The following COL22A1 variants were observed in gnomAD, a reference collection of about 807,000 sequenced individuals.
The protein encoded by COL22A1 is collagen type XXII alpha 1 chain, also known as collagen alpha-1(XXII) chain.
In COL22A1, 221 loss-of-function variants were observed where a neutral mutation model predicts 248.9. That is an observed-to-expected ratio of 0.89 (90% CI 0.80 to 0.99). The LOEUF (loss-of-function observed/expected upper bound fraction) is 0.99, where lower values mean the gene tolerates loss of function less well. COL22A1 is among the 50% of genes least tolerant of loss of function. COL22A1 has a pLI of 0.00. For missense variants in COL22A1, 2,240 were observed against 2,179.0 expected, an observed-to-expected ratio of 1.03 and a Z score of -0.56; for synonymous variants, 891 against 793.4, an observed-to-expected ratio of 1.12 and a Z score of -2.07.
In COL22A1 at chr8:138,878,240, C is replaced by T. The variant is rs1394793173; in HGVS notation, c.168G>A (p.Lys56=). The change falls in exon 3 of 65, where the codon AAG becomes AAA. Residue 56 remains lysine, a synonymous_variant. Coordinates refer to ENST00000303045, the MANE Select transcript of COL22A1 (RefSeq NM_152888.3). ...CCAGGTTGGCCACCCACTGCCGGAC[C>T]TTCTCAAAGTCCTCCTTGCCCACGC... ...SSSVGKEDFE[K]VRQWVANLVD... is the part of the protein sequence containing the mutation. 17 of 1,591,678 alleles carry T rather than the reference C, an allele frequency of 1.1e-5. No individual in the cohort carries two copies. Among genetic ancestry groups the T allele is most frequent in the African/African-American group, 1.3e-5 (1 of 74,552 alleles).
At chr8:138,887,397 T>G (rs1410068599) in intron 1 of COL22A1, among the ~76,000 whole-genome samples, 1 of 152,120 alleles carries the variant, frequency 6.6e-6, no homozygotes, top group Non-Finnish European at 1.5e-5. Context: ...TTTTTGTATT[T>G]TTAGTAGAGA....
chr8:138,882,380 T>C (rs1824276875), intron 2 of COL22A1, among the ~76,000 whole-genome samples: 1 of 144,904 alleles, frequency 6.9e-6, no homozygotes. Context: ...ACTCTCACAC[T>C]CCCTCACACA....
intron 5 of COL22A1, among the ~76,000 whole-genome samples, chr8:138,832,624 G>A (rs1279729947): frequency 6.6e-6 from 1 of 152,178 alleles, no homozygotes; most frequent in Non-Finnish European, 1.5e-5. Context: ...AGTCAACAGT[G>A]ATACTCAGTC....
At chr8:138,894,500 G>T (rs1045669305) in intron 1 of COL22A1, among the ~76,000 whole-genome samples, 31 of 152,204 alleles carry the variant, frequency 2.0e-4, no homozygotes, top group Admixed American at 2.0e-3. Flanking sequence ...ATCAGTGAGG[G>T]GACCAGATGA....
intron 4 of COL22A1, among the ~76,000 whole-genome samples, chr8:138,843,656 G>GT (rs1475413611): frequency 2.0e-5 from 3 of 152,102 alleles, no homozygotes. Context: ...CTGCTGCTGG[G>GT]TCTGCAGTCA....
chr8:138,604,100 G>T (rs1275753947), intron 59 of COL22A1, among the ~76,000 whole-genome samples: 2 of 152,138 alleles, frequency 1.3e-5, no homozygotes, highest in African/African-American at 4.8e-5. Context: ...GTTTGAGTAG[G>T]AATAAGCATG....
chr8:138,809,344 C>T (rs1366336944), intron 9 of COL22A1, among the ~76,000 whole-genome samples: 2 of 152,104 alleles, frequency 1.3e-5, no homozygotes, highest in Non-Finnish European at 2.9e-5. Flanking sequence ...CAGTGTACAG[C>T]ATAGTACACA....
At chr8:138,806,696 G>T (rs928056208) in intron 10 of COL22A1, among the ~76,000 whole-genome samples, 1 of 152,154 alleles carries the variant, frequency 6.6e-6, no homozygotes, top group African/African-American at 2.4e-5. Flanking sequence ...CACCTGCAAC[G>T]TGCAGAGCCC....
intron 37 of COL22A1, among the ~76,000 whole-genome samples, chr8:138,687,898 G>C (rs149694073): frequency 0.025 from 3,863 of 152,310 alleles, 74 homozygotes; most frequent in Middle Eastern, 0.048. Flanking sequence ...GCCAGGAGCA[G>C]TTACTCCCCT....
In COL22A1 at chr8:138,589,203, G is replaced by C. The variant is rs1816825858; in HGVS notation, c.*50C>G. The C allele has an allele frequency of 5.7e-6, 9 of 1,578,844 alleles. No individual in the cohort carries two copies. The highest frequency in any genetic ancestry group is 1.1e-5 in the South Asian group (1 of 88,638). ...GACCTCTGGCTTCCCACTGGGCTCT[G>C]AGTTCAAGTTTCAGAAATCCACTGC... On this transcript the variant is annotated 3_prime_UTR_variant, in exon 65 of 65. Coordinates refer to ENST00000303045, the MANE Select transcript of COL22A1 (RefSeq NM_152888.3).
chr8:138,786,430 T>A (rs1343050510), intron 12 of COL22A1, among the ~76,000 whole-genome samples: 2 of 152,212 alleles, frequency 1.3e-5, no homozygotes, highest in Non-Finnish European at 2.9e-5. Context: ...TTTACTAGAA[T>A]GATTCCTGCC....
At chr8:138,818,820 T>A (rs1002641085) in intron 7 of COL22A1, among the ~76,000 whole-genome samples, 2 of 152,258 alleles carry the variant, frequency 1.3e-5, no homozygotes, top group African/African-American at 2.4e-5. Flanking sequence ...TTTGCTTAAC[T>A]TGGTTCCACA....
At chr8:138,837,946 C>T (rs529032389) in intron 4 of COL22A1, among the ~76,000 whole-genome samples, 3 of 152,212 alleles carry the variant, frequency 2.0e-5, no homozygotes, top group African/African-American at 7.2e-5. Context: ...GAGGACGTGC[C>T]TTGCAGGGTT....
chr8:138,739,150 A>G (rs374002186), intron 22 of COL22A1, among the ~76,000 whole-genome samples: 5 of 152,180 alleles, frequency 3.3e-5, no homozygotes, highest in South Asian at 4.2e-4. Flanking sequence ...AAACACTACA[A>G]TGCCTCTCAG....
At chr8:138,704,803 T>C (rs1828276712) in intron 30 of COL22A1, among the ~76,000 whole-genome samples, 1 of 152,228 alleles carries the variant, frequency 6.6e-6, no homozygotes, top group Non-Finnish European at 1.5e-5. Flanking sequence ...AGAAGTAGGC[T>C]TCAGACGATC....
rs138366897 is a variant in COL22A1 at position 138,887,109 on chromosome 8, T to A, written c.-72-3865A>T. On this transcript the variant is annotated intron_variant, in intron 1 of 64. Transcript: ENST00000303045. ...AATGTACAATTATTATTGACTATAG[T>A]CACCCTATTATGCTGTCAAATAGTA... Among the ~76,000 whole-genome samples the A allele has an allele frequency of 1.8e-3, 279 of 152,286 alleles. 1 individual carries two copies. The highest frequency in any genetic ancestry group is 6.5e-3 in the African/African-American group (269 of 41,558).
chr8:138,836,226 G>A (rs545209257), intron 4 of COL22A1, among the ~76,000 whole-genome samples: 2 of 152,154 alleles, frequency 1.3e-5, no homozygotes, highest in East Asian at 1.9e-4. Context: ...AGCCTAGATC[G>A]CACCACAGCA....
Position 138,630,705 on chromosome 8 carries a change from T to C in COL22A1, c.3653A>G (p.Gln1218Arg), listed in dbSNP as rs1423017065. The change falls in exon 50 of 65, where the codon CAA becomes CGA. Residue 1218 changes from glutamine (Q) to arginine (R), a missense_variant. Physicochemically the swap from Gln to Arg is conservative, Grantham distance 43. Transcript: ENST00000303045. ...CCTTGAGGAACTTACAGGTGACCCT[T>C]GGATTCCTGGTGGTCCAGCAGCTCC... ...IAGAAGPPGI[Q>R]GSPGKEGPPG... The C allele has an allele frequency of 1.9e-6, 3 of 1,613,870 alleles. No homozygotes were observed. Among genetic ancestry groups the C allele is most frequent in the Admixed American group, 3.3e-5 (2 of 60,016 alleles).
chr8:138,884,706 G>A (rs1410521847), intron 1 of COL22A1, among the ~76,000 whole-genome samples: 4 of 152,234 alleles, frequency 2.6e-5, no homozygotes, highest in South Asian at 2.1e-4. Context: ...TTGGAGTCAC[G>A]TGCCACCACT....
Sources: gnomAD v4.1 joint callset for allele counts (sites outside exome capture counted in the v4.1 genomes callset) on GRCh38, gnomAD v4.1.1 for gene constraint, MANE v1.5 for transcripts, NCBI Gene and HGNC (gene_info 2026-07-23, HGNC 2026-07-21) for gene names.